The following SLC26A7 variants were observed in gnomAD, a reference collection of about 807,000 sequenced individuals.
SLC26A7 encodes solute carrier family 26 member 7, also known as anion exchange transporter.
SLC26A7 carries 59 observed loss-of-function variants against 82.5 expected under a neutral mutation model. The observed-to-expected ratio is 0.72, with a 90% CI of 0.58 to 0.89. The LOEUF (loss-of-function observed/expected upper bound fraction) is 0.89. Ranked by LOEUF, SLC26A7 falls within the 40% of genes least tolerant of loss-of-function variation. The pLI, the probability that SLC26A7 is intolerant of heterozygous loss-of-function variation, is 0.00. For synonymous variants in SLC26A7, 271 were observed against 274.3 expected (o/e 0.99, Z 0.12); for missense variants, 820 against 793.0 (o/e 1.03, Z -0.41).
At chr8:91,292,229 C>A (rs1811891260) in intron 3 of SLC26A7, among the ~76,000 whole-genome samples, 2 of 151,670 alleles carry the variant, frequency 1.3e-5, no homozygotes, top group Non-Finnish European at 2.9e-5. Flanking sequence ...TGGTGTGAAC[C>A]CGGGAGGCAG....
intron 11 of SLC26A7, among the ~76,000 whole-genome samples, chr8:91,358,883 A>C (rs1230931652): frequency 6.6e-6 from 1 of 152,166 alleles, no homozygotes; most frequent in East Asian, 1.9e-4. Flanking sequence ...TTGAACAATG[A>C]GAACACTCGG....
intron 1 of SLC26A7, among the ~76,000 whole-genome samples, chr8:91,211,679 A>G (rs1008652979): frequency 8.9e-5 from 13 of 145,738 alleles, no homozygotes; most frequent in African/African-American, 3.0e-4. Flanking sequence ...TAATTTGTTA[A>G]TTATCTCTTC....
chr8:91,240,673 G>C (rs1810461760), intron 2 of SLC26A7, among the ~76,000 whole-genome samples: 1 of 152,124 alleles, frequency 6.6e-6, no homozygotes, highest in South Asian at 2.1e-4. Context: ...ATTATGTGTT[G>C]TTTGTGAACA....
intron 4 of SLC26A7, among the ~76,000 whole-genome samples, chr8:91,310,245 C>T (rs918826676): frequency 2.0e-5 from 3 of 152,120 alleles, no homozygotes; most frequent in African/African-American, 4.8e-5. Context: ...CGCCAACAGG[C>T]GTCAAAGACC....
chr8:91,322,040 A>G (rs1234832005), intron 5 of SLC26A7, among the ~76,000 whole-genome samples: 1 of 152,186 alleles, frequency 6.6e-6, no homozygotes, highest in Non-Finnish European at 1.5e-5. Flanking sequence ...GTAAAAAATT[A>G]TGCATTTTTT....
chr8:91,308,836 G>T (rs1812397763), intron 4 of SLC26A7, among the ~76,000 whole-genome samples: 2 of 152,050 alleles, frequency 1.3e-5, no homozygotes, highest in South Asian at 2.1e-4. Context: ...AGTTCTTTCA[G>T]TTGGCTCTGT....
chr8:91,377,826 G>T (rs990884070), intron 15 of SLC26A7, among the ~76,000 whole-genome samples: 1 of 152,106 alleles, frequency 6.6e-6, no homozygotes, highest in Non-Finnish European at 1.5e-5. Context: ...CTTTTTAAGT[G>T]TGTGCAACCC....
chr8:91,337,627 T>A (rs1463831037), intron 6 of SLC26A7, among the ~76,000 whole-genome samples: 1 of 152,186 alleles, frequency 6.6e-6, no homozygotes, highest in Admixed American at 6.6e-5. Flanking sequence ...TGAAGCAGCA[T>A]GTTTCACTAC....
At chr8:91,393,913 A>C in intron 17 of SLC26A7, 23 bp from the exon 18 acceptor site, 5 of 1,612,852 alleles carry the variant, frequency 3.1e-6, no homozygotes, top group Non-Finnish European at 4.2e-6. Flanking sequence ...ATGTATTCTT[A>C]TATCACTTGT....
chr8:91,385,456 T>C (rs1331137288), intron 15 of SLC26A7, among the ~76,000 whole-genome samples: 2 of 152,222 alleles, frequency 1.3e-5, no homozygotes, highest in African/African-American at 4.8e-5. Context: ...TTTGGGTGAA[T>C]GGGTAACTTT....
At chr8:91,293,113 T>C (rs1401405636) in intron 3 of SLC26A7, among the ~76,000 whole-genome samples, 1 of 152,210 alleles carries the variant, frequency 6.6e-6, no homozygotes, top group Non-Finnish European at 1.5e-5. Flanking sequence ...ATTTTACAAA[T>C]AAGGAAGCTG....
chr8:91,257,304 A>T (rs1435370297), intron 2 of SLC26A7, among the ~76,000 whole-genome samples: 1 of 152,094 alleles, frequency 6.6e-6, no homozygotes, highest in African/African-American at 2.4e-5. Context: ...ATGAAATTTT[A>T]CTAAAGGCTA....
At chr8:91,337,239 T>C (rs992089143) in intron 6 of SLC26A7, among the ~76,000 whole-genome samples, 3 of 152,294 alleles carry the variant, frequency 2.0e-5, no homozygotes, top group Middle Eastern at 3.4e-3. Context: ...TATACAATTA[T>C]ATTATTGGCC....
At chr8:91,282,833 A>G (rs549744826) in intron 2 of SLC26A7, among the ~76,000 whole-genome samples, 19 of 152,314 alleles carry the variant, frequency 1.2e-4, no homozygotes, top group African/African-American at 4.1e-4. Context: ...GAGCTAAGCA[A>G]ACATTTTCAG....
chr8:91,246,203 T>C (rs777050668), upstream of SLC26A7, among the ~76,000 whole-genome samples: 3 of 152,230 alleles, frequency 2.0e-5, no homozygotes, highest in Admixed American at 6.5e-5. Flanking sequence ...TACTTTTGGA[T>C]GAACATTTGT....
At chr8:91,377,152 G>A (rs1038470742) in intron 15 of SLC26A7, among the ~76,000 whole-genome samples, 1 of 152,090 alleles carries the variant, frequency 6.6e-6, no homozygotes, top group Non-Finnish European at 1.5e-5. Context: ...CAATAGTGGT[G>A]GAGCTGCCAT....
chr8:91,348,239 C>CT, intron 9 of SLC26A7: 3 of 708,966 alleles, frequency 4.2e-6, no homozygotes, highest in Non-Finnish European at 5.2e-6. Context: ...AATGTCATCT[C>CT]TCTCTTTTTT....
chr8:91,358,196 G>A (rs568128250), intron 11 of SLC26A7, among the ~76,000 whole-genome samples: 16 of 152,262 alleles, frequency 1.1e-4, no homozygotes, highest in South Asian at 2.1e-4. Flanking sequence ...GTGGAAGACC[G>A]TGTGGCAATT....
At chr8:91,231,793 A>ATG (rs141002611) in intron 2 of SLC26A7, among the ~76,000 whole-genome samples, 6 of 151,678 alleles carry the variant, frequency 4.0e-5, no homozygotes, top group Admixed American at 2.6e-4. Flanking sequence ...ATGTGTGTGT[A>ATG]TGTGTGTGTG....
Sources: gnomAD v4.1 joint callset for allele counts (sites outside exome capture counted in the v4.1 genomes callset) on GRCh38, gnomAD v4.1.1 for gene constraint, MANE v1.5 for transcripts, NCBI Gene and HGNC (gene_info 2026-07-23, HGNC 2026-07-21) for gene names.